ANKS1B: variants seen among roughly 807,000 people sequenced by gnomAD.
ANKS1B encodes the protein ankyrin repeat and sterile alpha motif domain-containing protein 1B.
A neutral mutation model predicts 148.3 loss-of-function variants in ANKS1B; 36 were observed. The observed-to-expected ratio is 0.24, with a 90% CI of 0.19 to 0.32. The LOEUF (loss-of-function observed/expected upper bound fraction) is 0.32, where lower values mean the gene tolerates loss of function less well. ANKS1B is among the 10% of genes least tolerant of loss of function. The pLI is 1.00. For synonymous variants in ANKS1B, 542 were observed against 560.8 expected (o/e 0.97, Z 0.47); for missense variants, 1,157 against 1,542.6 (o/e 0.75, Z 4.19).
chr12:99,630,945 C>T (rs1468047042), intron 9 of ANKS1B, among the ~76,000 whole-genome samples: 3 of 152,060 alleles, frequency 2.0e-5, no homozygotes, highest in Non-Finnish European at 2.9e-5. Context: ...ATCATGGGAG[C>T]GGGTCTTTCC....
intron 9 of ANKS1B, among the ~76,000 whole-genome samples, chr12:99,631,408 T>C (rs1598440555): frequency 6.6e-6 from 1 of 152,150 alleles, no homozygotes; most frequent in East Asian, 1.9e-4. Context: ...TGGAAGAATT[T>C]GGAGGAGCAG....
At chr12:99,490,336 T>C (rs556448161) in intron 10 of ANKS1B, among the ~76,000 whole-genome samples, 1 of 152,382 alleles carries the variant, frequency 6.6e-6, no homozygotes, top group Admixed American at 6.5e-5. Flanking sequence ...TGAATTCTTA[T>C]CTCCTTCAAC....
At chr12:99,322,834 C>T (rs1420917926) in intron 12 of ANKS1B, among the ~76,000 whole-genome samples, 2 of 152,172 alleles carry the variant, frequency 1.3e-5, no homozygotes, top group African/African-American at 4.8e-5. Flanking sequence ...GAAGTTTTCC[C>T]CGTACCGTTC....
intron 16 of ANKS1B, among the ~76,000 whole-genome samples, chr12:99,059,033 G>A (rs2041419790): frequency 2.0e-5 from 3 of 151,596 alleles, no homozygotes; most frequent in Admixed American, 6.6e-5. Context: ...CACCGCGCCC[G>A]GCCAATTCTA....
At chr12:98,786,429 T>A (rs2098795221) in intron 22 of ANKS1B, among the ~76,000 whole-genome samples, 1 of 152,218 alleles carries the variant, frequency 6.6e-6, no homozygotes, top group Non-Finnish European at 1.5e-5. Flanking sequence ...TAGAGCATTT[T>A]TAAAAAGAAG....
At chr12:99,112,219 C>T (rs2060434940) in intron 15 of ANKS1B, among the ~76,000 whole-genome samples, 1 of 152,074 alleles carries the variant, frequency 6.6e-6, no homozygotes, top group Admixed American at 6.6e-5. Flanking sequence ...ATCACACTTT[C>T]CTCATGCCTG....
At chr12:99,707,388 A>T (rs376525278) in intron 8 of ANKS1B, among the ~76,000 whole-genome samples, 1 of 152,118 alleles carries the variant, frequency 6.6e-6, no homozygotes, top group African/African-American at 2.4e-5. Context: ...AGCAGTGCCA[A>T]TCAAATGTCA....
At chr12:99,912,877 T>C (rs1252143926) in intron 1 of ANKS1B, among the ~76,000 whole-genome samples, 1 of 152,184 alleles carries the variant, frequency 6.6e-6, no homozygotes, top group Admixed American at 6.5e-5. Context: ...ACTGAGCTTA[T>C]TAGTTTTGTT....
At chr12:99,945,792 A>G (rs976721095) in intron 1 of ANKS1B, among the ~76,000 whole-genome samples, 1 of 152,212 alleles carries the variant, frequency 6.6e-6, no homozygotes, top group African/African-American at 2.4e-5. Flanking sequence ...AAGCCCAGAG[A>G]AGAAAACAGG....
chr12:99,126,348 G>C (rs988742233), intron 15 of ANKS1B, among the ~76,000 whole-genome samples: 21 of 152,258 alleles, frequency 1.4e-4, no homozygotes, highest in African/African-American at 5.1e-4. Context: ...GGAAGAAAGG[G>C]GGTAGGGTAG....
Position 99,893,205 on chromosome 12 carries a change from T to C in ANKS1B, c.135-67816A>G, listed in dbSNP as rs568060140. Among the ~76,000 whole-genome samples the C allele has an allele frequency of 4.9e-4, 75 of 152,060 alleles. No homozygotes were observed. The South Asian group carries it at 7.1e-3, about 14-fold the overall frequency. ...GCGGGCAGATCACAAGGTCAGGAGA[T>C]CGAGACCATCCTGGATAACACAGTG... is the stretch of plus-strand genomic sequence containing the variant. On this transcript the variant is annotated intron_variant, in intron 1 of 26. Transcript: ENST00000683438.
At chr12:99,576,046 C>T (rs787423) in intron 9 of ANKS1B, among the ~76,000 whole-genome samples, 55,749 of 151,706 alleles carry the variant, frequency 0.37, 10,354 homozygotes, top group South Asian at 0.47. Context: ...AATAAAGGGA[C>T]GGAGAAATAT....
intron 14 of ANKS1B, among the ~76,000 whole-genome samples, chr12:99,222,985 C>T (rs1241550142): frequency 6.6e-6 from 1 of 152,174 alleles, no homozygotes; most frequent in Non-Finnish European, 1.5e-5. Context: ...TGTGCATATA[C>T]TCATCTGTAC....
intron 17 of ANKS1B, among the ~76,000 whole-genome samples, chr12:98,932,713 G>A (rs1228103622): frequency 6.6e-6 from 1 of 152,028 alleles, no homozygotes; most frequent in Non-Finnish European, 1.5e-5. Flanking sequence ...TATATTCCTG[G>A]AACCAGAAAG....
intron 1 of ANKS1B, among the ~76,000 whole-genome samples, chr12:99,881,767 C>T (rs918587241): frequency 2.0e-5 from 3 of 152,178 alleles, no homozygotes; most frequent in African/African-American, 7.2e-5. Context: ...CCACTGAAGG[C>T]TGATCAGACC....
chr12:98,806,587 C>G (rs2099052662), intron 20 of ANKS1B, among the ~76,000 whole-genome samples: 1 of 152,170 alleles, frequency 6.6e-6, no homozygotes, highest in African/African-American at 2.4e-5. Context: ...ATCTCTAAGG[C>G]TTTGAAGAAT....
At chr12:99,060,857 TAA>T (rs2042237096) in intron 16 of ANKS1B, among the ~76,000 whole-genome samples, 1 of 151,474 alleles carries the variant, frequency 6.6e-6, no homozygotes, top group African/African-American at 2.4e-5. Context: ...GTAAAAAAAA[TAA>T]AAAGAGAGAG....
chr12:98,864,892 T>A (rs2152274142), intron 17 of ANKS1B, among the ~76,000 whole-genome samples: 1 of 152,284 alleles, frequency 6.6e-6, no homozygotes, highest in South Asian at 2.1e-4. Context: ...TCCCTGCCAT[T>A]TATCCCATTT....
At chr12:99,565,539 G>A (rs2097381387) in intron 9 of ANKS1B, among the ~76,000 whole-genome samples, 1 of 152,210 alleles carries the variant, frequency 6.6e-6, no homozygotes, top group African/African-American at 2.4e-5. Flanking sequence ...GGAGTTTCTT[G>A]ATTAGGTTTC....
Sources: gnomAD v4.1 joint callset for allele counts (sites outside exome capture counted in the v4.1 genomes callset) on GRCh38, gnomAD v4.1.1 for gene constraint, MANE v1.5 for transcripts, NCBI Gene and HGNC (gene_info 2026-07-23, HGNC 2026-07-21) for gene names.